Variants in CLASP2 observed in about 807,000 individuals in gnomAD.
The protein encoded by CLASP2 is CLIP-associating protein 2.
Under a neutral mutation model 194.4 loss-of-function variants are expected in CLASP2, and 47 were observed. That is an observed-to-expected ratio of 0.24 (90% CI 0.19 to 0.31). The LOEUF (loss-of-function observed/expected upper bound fraction) is 0.31, where lower values mean the gene tolerates loss of function less well. CLASP2 is among the 10% of genes least tolerant of loss of function. The pLI is 1.00. For missense variants in CLASP2, 1,445 were observed against 1,823.6 expected, an observed-to-expected ratio of 0.79 and a Z score of 3.78; for synonymous variants, 619 against 633.5, an observed-to-expected ratio of 0.98 and a Z score of 0.34.
chr3:33,645,108 A>AT, intron 7 of CLASP2: 1 of 662,000 alleles, frequency 1.5e-6, no homozygotes, highest in Non-Finnish European at 2.7e-6. Context: ...AAAATGCAGT[A>AT]TTTTCATACT....
At chr3:33,555,042 T>C (rs1433366168) in intron 29 of CLASP2, among the ~76,000 whole-genome samples, 1 of 151,836 alleles carries the variant, frequency 6.6e-6, no homozygotes, top group Non-Finnish European at 1.5e-5. Context: ...GAACAATATA[T>C]TGCATATTTG....
chr3:33,598,584 G>A (rs549171377), intron 18 of CLASP2, among the ~76,000 whole-genome samples: 4 of 152,136 alleles, frequency 2.6e-5, no homozygotes, highest in African/African-American at 9.6e-5. Flanking sequence ...TGCCACCTTA[G>A]GATACAAACA....
At chr3:33,659,130 T>C (rs1355521495) in intron 7 of CLASP2, 24 of 1,425,602 alleles carry the variant, frequency 1.7e-5, no homozygotes, top group South Asian at 7.9e-5. Context: ...GCTGCAGCTC[T>C]GCACCGCAAT....
intron 37 of CLASP2, among the ~76,000 whole-genome samples, chr3:33,510,009 G>A (rs527360378): frequency 1.3e-5 from 2 of 152,266 alleles, no homozygotes; most frequent in Admixed American, 1.3e-4. Flanking sequence ...CAGATGAACA[G>A]ATTAACAATT....
At chr3:33,648,609 T>C (rs759000093) in intron 7 of CLASP2, among the ~76,000 whole-genome samples, 11 of 152,328 alleles carry the variant, frequency 7.2e-5, no homozygotes, top group Non-Finnish European at 1.0e-4. Context: ...AAAGAATTCA[T>C]AAAACTAATT....
At chr3:33,669,419 C>T (rs964062628) in intron 6 of CLASP2, among the ~76,000 whole-genome samples, 1 of 151,928 alleles carries the variant, frequency 6.6e-6, no homozygotes, top group African/African-American at 2.4e-5. Context: ...CTAAGAACTA[C>T]ATTAAAATTA....
intron 7 of CLASP2, among the ~76,000 whole-genome samples, chr3:33,660,850 A>G (rs777234534): frequency 2.0e-5 from 3 of 152,094 alleles, no homozygotes; most frequent in Non-Finnish European, 2.9e-5. Context: ...CTTTATTTAC[A>G]GTTTTAGTTT....
At chr3:33,538,267 T>C (rs1207733116) in intron 33 of CLASP2, among the ~76,000 whole-genome samples, 1 of 152,226 alleles carries the variant, frequency 6.6e-6, no homozygotes, top group East Asian at 1.9e-4. Context: ...TAAATGTCTT[T>C]GGATTTGCTA....
At chr3:33,608,665 TGAGA>T in intron 13 of CLASP2, 39 bp from the exon 14 acceptor site, 7 of 1,399,466 alleles carry the variant, frequency 5.0e-6, no homozygotes, top group Non-Finnish European at 7.0e-6. Context: ...AATGTTGTAT[TGAGA>T]AATACATTAA....
At chr3:33,595,025 A>G (rs2069864806) in intron 19 of CLASP2, 57 bp from the exon 20 acceptor site, 3 of 1,137,120 alleles carry the variant, frequency 2.6e-6, no homozygotes, top group African/African-American at 1.6e-5. Context: ...TGATATTAAG[A>G]CCTACCTCAC....
intron 36 of CLASP2, among the ~76,000 whole-genome samples, chr3:33,512,484 C>T (rs1359842619): frequency 3.0e-5 from 1 of 33,452 alleles, no homozygotes; most frequent in African/African-American, 1.4e-4. Context: ...GTGCAGCGCA[C>T]CAGCATGGCA....
At chr3:33,660,323 C>T (rs2085088759) in intron 7 of CLASP2, among the ~76,000 whole-genome samples, 2 of 152,258 alleles carry the variant, frequency 1.3e-5, no homozygotes, top group African/African-American at 2.4e-5. Flanking sequence ...ATTTTAAATC[C>T]AGTTTTCTTC....
chr3:33,681,073 C>T (rs554825170), intron 6 of CLASP2, among the ~76,000 whole-genome samples: 184 of 130,678 alleles, frequency 1.4e-3, no homozygotes, highest in African/African-American at 4.7e-3. Flanking sequence ...TGCAGTGAGC[C>T]GAGATCGCGC....
chr3:33,569,626 A>G (rs529492668), intron 26 of CLASP2, among the ~76,000 whole-genome samples: 34 of 152,152 alleles, frequency 2.2e-4, no homozygotes, highest in Non-Finnish European at 4.1e-4. Flanking sequence ...TTCAATTATA[A>G]GTTACAAACT....
At chr3:33,504,021 T>C (rs1338299844) in intron 37 of CLASP2, 1 of 152,220 alleles carries the variant, frequency 6.6e-6, no homozygotes, top group Non-Finnish European at 1.5e-5. Context: ...TTAAAAGTTA[T>C]TTATCCTTTT....
intron 1 of CLASP2, among the ~76,000 whole-genome samples, chr3:33,707,488 AATAAC>A (rs2154355811): frequency 6.6e-6 from 1 of 152,330 alleles, no homozygotes; most frequent in Admixed American, 6.5e-5. Context: ...TAAATGAAGA[AATAAC>A]AGAATTCAAA....
Position 33,667,406 on chromosome 3 carries a change from C to CAAAAAAAAAAAAAAAAAA in CLASP2, c.645-3909_645-3892dup, listed in dbSNP as rs537846651. ...CCTGGGTGACAGAGTGAGACTATCTCAAAAAAAAAAAAAAAAAAAAAAGAC... is the reference window on the plus strand; with the variant it reads ...CCTGGGTGACAGAGTGAGACTATCTCAAAAAAAAAAAAAAAAAAAAAAAAAAAAAAAAAAAAAAAAGAC... On this transcript the variant is annotated intron_variant, in intron 6 of 38. Coordinates refer to ENST00000682230, the MANE Select transcript of CLASP2 (RefSeq NM_001365631.1). Among the ~76,000 whole-genome samples, 262 of 44,108 alleles carry CAAAAAAAAAAAAAAAAAA rather than the reference C, an allele frequency of 5.9e-3. 44 individuals carry two copies. The highest frequency in any genetic ancestry group is 0.025 in the African/African-American group (236 of 9,282). The allele number at this position is 44,108 out of a possible 152,430, so 28.9% of individuals were successfully genotyped here.
At chr3:33,563,742 T>A (rs1394481915) in intron 27 of CLASP2, among the ~76,000 whole-genome samples, 2 of 152,226 alleles carry the variant, frequency 1.3e-5, no homozygotes, top group African/African-American at 4.8e-5. Flanking sequence ...TGTCTCTTTG[T>A]TACCATCAGA....
intron 6 of CLASP2, among the ~76,000 whole-genome samples, chr3:33,663,813 A>G (rs2085710737): frequency 6.6e-6 from 1 of 152,166 alleles, no homozygotes; most frequent in Admixed American, 6.5e-5. Context: ...CAAATCCATC[A>G]AAAATATCCT....
Sources: gnomAD v4.1 joint callset for allele counts (sites outside exome capture counted in the v4.1 genomes callset) on GRCh38, gnomAD v4.1.1 for gene constraint, MANE v1.5 for transcripts, NCBI Gene and HGNC (gene_info 2026-07-23, HGNC 2026-07-21) for gene names.